The following PTPRQ variants were observed in gnomAD, a reference collection of about 807,000 sequenced individuals.
PTPRQ encodes the protein protein tyrosine phosphatase receptor type Q, also known as phosphatidylinositol phosphatase PTPRQ.
Under a neutral mutation model 246.0 loss-of-function variants are expected in PTPRQ, and 199 were observed. That is an observed-to-expected ratio of 0.81 (90% CI 0.72 to 0.91). The LOEUF is 0.91. PTPRQ is among the 40% of genes least tolerant of loss of function. The pLI, the probability that PTPRQ is intolerant of heterozygous loss-of-function variation, is 0.00. For missense variants in PTPRQ, 2,624 were observed against 2,528.4 expected, an observed-to-expected ratio of 1.04 and a Z score of -0.81; for synonymous variants, 869 against 853.2, an observed-to-expected ratio of 1.02 and a Z score of -0.32.
chr12:80,569,943 T>C (rs1897096026), intron 25 of PTPRQ, among the ~76,000 whole-genome samples: 1 of 152,222 alleles, frequency 6.6e-6, no homozygotes, highest in Admixed American at 6.5e-5. Context: ...TAGTATTCCA[T>C]GGTGTATATG....
chr12:80,603,540 T>C (rs1898211490), intron 26 of PTPRQ, among the ~76,000 whole-genome samples: 1 of 151,668 alleles, frequency 6.6e-6, no homozygotes, highest in African/African-American at 2.4e-5. Flanking sequence ...TCTGAATCTT[T>C]TTTTGTACCA....
In PTPRQ at chr12:80,493,273, A is replaced by G. The variant is rs1208822007; in HGVS notation, c.1360-2A>G. The G allele has an allele frequency of 2.1e-6, 3 of 1,462,438 alleles. No homozygotes were observed. The highest frequency in any genetic ancestry group is 2.7e-5 in the Admixed American group (1 of 37,584). 90.6% of individuals were successfully genotyped at this position (1,462,438 alleles called of 1,614,324 possible). A position where few individuals can be genotyped will look rare whatever the true frequency, so the allele number is the denominator to read the frequency against. On this transcript the variant is annotated splice_acceptor_variant, in intron 9 of 44. Coordinates refer to ENST00000644991, the MANE Select transcript of PTPRQ (RefSeq NM_001145026.2). LOFTEE classifies it high-confidence loss of function. ...TTTTAAAATATCTACTTTTAATTAC[A>G]GTATATAAATGACCCCATGGCTCCA...
In PTPRQ at chr12:80,468,622, T is replaced by C. The variant is rs962368668; in HGVS notation, c.911-88T>C. The C allele has an allele frequency of 1.4e-5, 17 of 1,248,034 alleles. No individual in the cohort carries two copies. In the African/African-American group the frequency reaches 2.2e-4, roughly 16 times the overall value. 77.3% of individuals were successfully genotyped at this position (1,248,034 alleles called of 1,614,324 possible). ...AAGCGCGATATTTTATTTTCCTTCT[T>C]TGCCTTTGTGTTTTATTATGTGTAT... On this transcript the variant is annotated intron_variant, in intron 6 of 44. Transcript: ENST00000644991.
At chr12:80,675,997 G>A (rs1361952840) in intron 43 of PTPRQ, among the ~76,000 whole-genome samples, 1 of 152,132 alleles carries the variant, frequency 6.6e-6, no homozygotes, top group African/African-American at 2.4e-5. Flanking sequence ...CCAGCAGGCA[G>A]TAAATGTCCA....
intron 14 of PTPRQ, among the ~76,000 whole-genome samples, chr12:80,501,564 T>C (rs1297326960): frequency 6.6e-6 from 1 of 151,920 alleles, no homozygotes; most frequent in Non-Finnish European, 1.5e-5. Context: ...ACCACATCTT[T>C]GGTATTCAAT....
intron 29 of PTPRQ, among the ~76,000 whole-genome samples, chr12:80,614,549 G>A (rs1283486491): frequency 1.3e-5 from 2 of 150,868 alleles, no homozygotes; most frequent in Admixed American, 6.6e-5. Flanking sequence ...ATTTGTATAT[G>A]TATATGTGTA....
intron 26 of PTPRQ, among the ~76,000 whole-genome samples, chr12:80,591,175 G>T (rs1897790835): frequency 1.4e-5 from 2 of 142,680 alleles, no homozygotes; most frequent in African/African-American, 5.3e-5. Flanking sequence ...ACCCAGGCTG[G>T]GGTGCTGGGG....
Position 80,554,733 on chromosome 12 carries a change from T to TATC in PTPRQ, c.4285+5020_4285+5022dup, listed in dbSNP as rs996361936. Among the ~76,000 whole-genome samples the TATC allele has an allele frequency of 2.7e-3, 417 of 152,030 alleles. 3 individuals carry two copies. Among genetic ancestry groups the TATC allele is most frequent in the African/African-American group, 9.3e-3 (387 of 41,490 alleles). ...TGACTTGGCATGTATTCAATTTAAT[T>TATC]ATCATCATCATCATCATCATCATTT... On this transcript the variant is annotated intron_variant, in intron 25 of 44. Coordinates refer to ENST00000644991, the MANE Select transcript of PTPRQ (RefSeq NM_001145026.2).
intron 3 of PTPRQ, among the ~76,000 whole-genome samples, chr12:80,447,103 T>A (rs1391297892): frequency 3.9e-5 from 6 of 152,044 alleles, no homozygotes. Flanking sequence ...CCATTCTGAT[T>A]GGTATAAGAT....
intron 39 of PTPRQ, among the ~76,000 whole-genome samples, chr12:80,667,674 A>T (rs1423093778): frequency 2.0e-5 from 3 of 152,126 alleles, no homozygotes; most frequent in Admixed American, 6.6e-5. Flanking sequence ...GTGCATATTT[A>T]AAAAATCTGT....
intron 17 of PTPRQ, among the ~76,000 whole-genome samples, chr12:80,529,048 A>G (rs765806650): frequency 5.3e-5 from 8 of 152,184 alleles, no homozygotes; most frequent in Non-Finnish European, 7.3e-5. Context: ...AGATGCTAGA[A>G]CAGCTTTAGG....
intron 35 of PTPRQ, among the ~76,000 whole-genome samples, chr12:80,646,874 T>G (rs946755736): frequency 6.6e-6 from 1 of 152,184 alleles, no homozygotes; most frequent in Non-Finnish European, 1.5e-5. Context: ...AATGTATATT[T>G]ATTCAATTAA....
chr12:80,650,465 T>C (rs1470591244), intron 37 of PTPRQ, among the ~76,000 whole-genome samples: 2 of 152,050 alleles, frequency 1.3e-5, no homozygotes. Context: ...GATTTCTACA[T>C]GTCACCAAAA....
intron 9 of PTPRQ, among the ~76,000 whole-genome samples, chr12:80,487,875 A>T (rs897377606): frequency 2.6e-5 from 4 of 152,054 alleles, no homozygotes; most frequent in East Asian, 1.9e-4. Flanking sequence ...TTTGGGTCAG[A>T]TGTCTAGGTA....
intron 8 of PTPRQ, among the ~76,000 whole-genome samples, chr12:80,474,950 G>GA (rs1893764988): frequency 6.6e-6 from 1 of 152,124 alleles, no homozygotes; most frequent in Non-Finnish European, 1.5e-5. Context: ...ATCTTTGCAG[G>GA]AAAATAACTG....
At chr12:80,576,900 T>A (rs1319961746) in intron 25 of PTPRQ, among the ~76,000 whole-genome samples, 2 of 152,236 alleles carry the variant, frequency 1.3e-5, no homozygotes, top group Non-Finnish European at 2.9e-5. Flanking sequence ...TATTTCCTCA[T>A]ACTCATTCTT....
At chr12:80,636,396 C>T (rs1057442862) in intron 35 of PTPRQ, among the ~76,000 whole-genome samples, 2 of 152,206 alleles carry the variant, frequency 1.3e-5, no homozygotes, top group African/African-American at 4.8e-5. Flanking sequence ...ACTGCTACTA[C>T]TAGACTGTGT....
chr12:80,461,194 T>A (rs931310429), intron 6 of PTPRQ, among the ~76,000 whole-genome samples: 5 of 152,196 alleles, frequency 3.3e-5, no homozygotes, highest in Non-Finnish European at 5.9e-5. Flanking sequence ...AGTAATCATC[T>A]TTGCCGTTCT....
chr12:80,493,553 T>C, intron 10 of PTPRQ, 98 bp downstream of exon 10: 4 of 1,397,620 alleles, frequency 2.9e-6, no homozygotes, highest in Non-Finnish European at 3.7e-6. Flanking sequence ...ATATTATTAA[T>C]GGTCTTTGGG....
Sources: allele counts gnomAD v4.1 joint callset (sites outside exome capture counted in the v4.1 genomes callset), GRCh38; gene constraint gnomAD v4.1.1; transcripts MANE v1.5; gene names NCBI Gene and HGNC (gene_info 2026-07-23, HGNC 2026-07-21).